SVOP: variants seen among roughly 807,000 people sequenced by gnomAD.
SVOP encodes the protein synaptic vesicle 2-related protein.
Under a neutral mutation model 69.1 loss-of-function variants are expected in SVOP, and 17 were observed. The ratio of observed to expected loss-of-function variants is 0.25; its 90% CI spans 0.17 to 0.37. SVOP has a LOEUF of 0.37. SVOP is among the 10% of genes least tolerant of loss of function. The probability of loss-of-function intolerance (pLI) is 1.00; values close to 1 mark genes in which losing one functional copy is unlikely to be tolerated. For missense variants in SVOP, 435 were observed against 597.5 expected, an observed-to-expected ratio of 0.73 and a Z score of 2.84; for synonymous variants, 238 against 238.6, an observed-to-expected ratio of 1.00 and a Z score of 0.02.
intron 1 of SVOP, among the ~76,000 whole-genome samples, chr12:108,991,097 G>A (rs930161657): frequency 6.6e-5 from 10 of 152,138 alleles, no homozygotes; most frequent in East Asian, 1.9e-4. Flanking sequence ...ACAACTCACC[G>A]TCCTACCCTG....
intron 5 of SVOP, among the ~76,000 whole-genome samples, chr12:108,969,604 G>A (rs2040066912): frequency 6.6e-6 from 1 of 150,696 alleles, no homozygotes; most frequent in African/African-American, 2.4e-5. Flanking sequence ...TGGGATTACA[G>A]GCATGAGCCA....
chr12:108,989,092 C>T (rs140105633), intron 1 of SVOP, among the ~76,000 whole-genome samples: 3,351 of 152,014 alleles, frequency 0.022, 67 homozygotes, highest in Non-Finnish European at 0.033. Flanking sequence ...TCTTTTGAGA[C>T]GGAGTCTCGC....
At chr12:109,009,252 G>A (rs933900445) in intron 1 of SVOP, among the ~76,000 whole-genome samples, 11 of 151,538 alleles carry the variant, frequency 7.3e-5, no homozygotes, top group Non-Finnish European at 1.3e-4. Flanking sequence ...ATGAGCCACC[G>A]CATCCAGCCT....
At chr12:108,932,995 T>C (rs1052314423) in intron 11 of SVOP, among the ~76,000 whole-genome samples, 1 of 152,084 alleles carries the variant, frequency 6.6e-6, no homozygotes, top group Non-Finnish European at 1.5e-5. Context: ...TCTCCTGGCT[T>C]AGCCTCCTGA....
chr12:108,932,724 T>C (rs942154841), intron 11 of SVOP, among the ~76,000 whole-genome samples: 3 of 152,044 alleles, frequency 2.0e-5, no homozygotes, highest in African/African-American at 4.8e-5. Context: ...TAGGCACAGC[T>C]GACCAGCATT....
intron 2 of SVOP, 100 bp downstream of exon 2, chr12:108,983,501 C>A: frequency 2.5e-6 from 1 of 398,424 alleles, no homozygotes; most frequent in South Asian, 1.3e-4. Context: ...CCCCTGGGCC[C>A]TCCCAACTGC....
chr12:109,012,941 A>G (rs1312985595), intron 1 of SVOP, among the ~76,000 whole-genome samples: 3 of 152,200 alleles, frequency 2.0e-5, no homozygotes, highest in Non-Finnish European at 4.4e-5. Context: ...AAAAAGGAAT[A>G]TGGGGAAGCA....
At chr12:108,985,589 T>C (rs1358210130) in intron 1 of SVOP, among the ~76,000 whole-genome samples, 1 of 152,072 alleles carries the variant, frequency 6.6e-6, no homozygotes, top group Admixed American at 6.6e-5. Flanking sequence ...GGAGGATTGC[T>C]TGAGCCCAGG....
intron 2 of SVOP, among the ~76,000 whole-genome samples, chr12:108,983,058 CCATCACCAT>C (rs1182680335): frequency 1.5e-4 from 22 of 147,802 alleles, no homozygotes; most frequent in African/African-American, 5.5e-4. Context: ...ACCATCATCA[CCATCACCAT>C]CATCACCATC....
chr12:108,941,472 A>G (rs867053235), intron 7 of SVOP, among the ~76,000 whole-genome samples: 5 of 152,158 alleles, frequency 3.3e-5, no homozygotes, highest in African/African-American at 1.2e-4. Flanking sequence ...AAGCGCTGGG[A>G]TTACAGGCAT....
intron 4 of SVOP, among the ~76,000 whole-genome samples, chr12:108,974,130 T>C (rs561675731): frequency 6.6e-6 from 1 of 152,072 alleles, no homozygotes; most frequent in South Asian, 2.1e-4. Context: ...TCCTCAAAAC[T>C]TTTTTTTATG....
chr12:109,002,509 G>T lies in SVOP; in HGVS notation c.35+18325C>A, dbSNP rs74661694. 2.8e-3 allele frequency among the ~76,000 whole-genome samples: 382 copies of T among 137,028 alleles called. 2 individuals carry two copies. The highest frequency in any genetic ancestry group is 3.8e-3 in the Non-Finnish European group (244 of 64,158). The allele number at this position is 137,028 out of a possible 152,430, so 89.9% of individuals were successfully genotyped here. A position where few individuals can be genotyped will look rare whatever the true frequency, so the allele number is the denominator to read the frequency against. On this transcript the variant is annotated intron_variant, in intron 1 of 15. Coordinates refer to ENST00000610966, the MANE Select transcript of SVOP (RefSeq NM_018711.5). ...TGCTGCTATAAAGACACATGCACAC[G>T]TATGTTTATTGCGGCATTATTCACA...
intron 6 of SVOP, among the ~76,000 whole-genome samples, chr12:108,959,519 A>G (rs900151746): frequency 2.6e-5 from 4 of 151,844 alleles, no homozygotes; most frequent in Admixed American, 2.6e-4. Context: ...AAGCCCGGAA[A>G]ATTTTTGTAT....
Position 108,919,716 on chromosome 12 carries a change from G to A in SVOP, c.1227C>T (p.Ile409=). ...RKKTMALCFV[I]FSFCSLLLFI... ...ACAGCAGGAGGCTGCAGAAGGAGAA[G>A]ATGACAAAGCACAGGGCCATGGTCT... Residue 409 remains isoleucine, a synonymous_variant, in exon 13 of 16, where the codon ATC becomes ATT. Coordinates refer to ENST00000610966, the MANE Select transcript of SVOP (RefSeq NM_018711.5). 1 of 1,608,354 alleles carries A rather than the reference G, an allele frequency of 6.2e-7. No homozygotes were observed. The highest frequency in any genetic ancestry group is 8.5e-7 in the Non-Finnish European group (1 of 1,177,278).
chr12:108,937,880 T>G (rs1401260099), intron 9 of SVOP, among the ~76,000 whole-genome samples: 4 of 152,216 alleles, frequency 2.6e-5, no homozygotes, highest in Admixed American at 6.5e-5. Context: ...TATGGCCAGG[T>G]GTGGTGGTTC....
intron 5 of SVOP, among the ~76,000 whole-genome samples, chr12:108,966,285 T>C: frequency 6.6e-6 from 1 of 152,124 alleles, no homozygotes; most frequent in East Asian, 1.9e-4. Context: ...TCAACAGGGG[T>C]GCACTGTGAT....
At chr12:108,920,548 T>C (rs570507385) in intron 12 of SVOP, among the ~76,000 whole-genome samples, 1 of 152,206 alleles carries the variant, frequency 6.6e-6, no homozygotes, top group Admixed American at 6.6e-5. Flanking sequence ...AGCATAGTGC[T>C]TATTAGTAAT....
At chr12:108,963,119 C>T (rs935991195) in intron 5 of SVOP, among the ~76,000 whole-genome samples, 4 of 152,114 alleles carry the variant, frequency 2.6e-5, no homozygotes, top group African/African-American at 4.8e-5. Context: ...GCAAATTTCA[C>T]GTGCATTTTC....
At chr12:108,967,621 A>G (rs1159951037) in intron 5 of SVOP, among the ~76,000 whole-genome samples, 1 of 152,216 alleles carries the variant, frequency 6.6e-6, no homozygotes, top group African/African-American at 2.4e-5. Context: ...TTGTTTGCAC[A>G]TGTTTTCTAG....
Sources: gnomAD v4.1 joint callset for allele counts (sites outside exome capture counted in the v4.1 genomes callset) on GRCh38, gnomAD v4.1.1 for gene constraint, MANE v1.5 for transcripts, NCBI Gene and HGNC (gene_info 2026-07-23, HGNC 2026-07-21) for gene names.